PLEKHA6: variants seen among roughly 807,000 people sequenced by gnomAD.
PLEKHA6 encodes pleckstrin homology domain-containing family A member 6.
A neutral mutation model predicts 116.7 loss-of-function variants in PLEKHA6; 60 were observed. That is an observed-to-expected ratio of 0.51 (90% CI 0.42 to 0.64). The LOEUF (loss-of-function observed/expected upper bound fraction) is 0.64, where lower values mean the gene tolerates loss of function less well. Ranked by LOEUF, PLEKHA6 falls within the 30% of genes least tolerant of loss-of-function variation. The pLI is 0.00. For missense variants in PLEKHA6, 1,338 were observed against 1,422.7 expected (o/e 0.94, Z 0.96); for synonymous variants, 489 against 556.1 (o/e 0.88, Z 1.70).
intron 9 of PLEKHA6, among the ~76,000 whole-genome samples, chr1:204,253,975 C>T (rs752735571): frequency 5.9e-5 from 9 of 152,210 alleles, no homozygotes; most frequent in South Asian, 4.1e-4. Flanking sequence ...GGCAAAAGCC[C>T]GCAGGAAGGG....
At chr1:204,366,277 C>G (rs975439643) in intron 3 of PLEKHA6, among the ~76,000 whole-genome samples, 3 of 151,866 alleles carry the variant, frequency 2.0e-5, no homozygotes, top group African/African-American at 7.3e-5. Flanking sequence ...TGGGTCCAAA[C>G]AGGAAAAATT....
intron 1 of PLEKHA6, among the ~76,000 whole-genome samples, chr1:204,286,226 C>A (rs1349990345): frequency 3.3e-5 from 5 of 152,280 alleles, no homozygotes; most frequent in Middle Eastern, 3.4e-3. Flanking sequence ...GGAAGAGGTG[C>A]TCCTAGGCCT....
chr1:204,343,809 C>T (rs1672932198), intron 1 of PLEKHA6, among the ~76,000 whole-genome samples: 1 of 152,200 alleles, frequency 6.6e-6, no homozygotes, highest in Non-Finnish European at 1.5e-5. Context: ...GGGAGAAAAG[C>T]TGACCAAGTG....
chr1:204,236,798 G>A (rs904734396), intron 17 of PLEKHA6, among the ~76,000 whole-genome samples: 9 of 152,068 alleles, frequency 5.9e-5, no homozygotes, highest in Non-Finnish European at 1.2e-4. Context: ...CAAGTCAAAT[G>A]GGCAAAAGAC....
At chr1:204,267,732 C>T (rs867808749) in intron 4 of PLEKHA6, among the ~76,000 whole-genome samples, 185 bp from the exon 5 acceptor site, 19 of 152,254 alleles carry the variant, frequency 1.2e-4, no homozygotes, top group South Asian at 6.2e-4. Flanking sequence ...TAGATTGTTG[C>T]CTGTGACCTT....
chr1:204,248,262 A>G (rs927350936), intron 12 of PLEKHA6, among the ~76,000 whole-genome samples: 3 of 150,552 alleles, frequency 2.0e-5, no homozygotes, highest in Admixed American at 6.6e-5. Context: ...GGGTTCAAGC[A>G]ATTCTCCTGC....
At chr1:204,327,827 T>A (rs1424466177) in intron 1 of PLEKHA6, among the ~76,000 whole-genome samples, 2 of 152,170 alleles carry the variant, frequency 1.3e-5, no homozygotes, top group African/African-American at 4.8e-5. Flanking sequence ...TCTCACTTGC[T>A]CCCATTCCTA....
At chr1:204,313,549 AC>A (rs1283791255) in intron 1 of PLEKHA6, 1 of 983,952 alleles carries the variant, frequency 1.0e-6, no homozygotes, top group Non-Finnish European at 1.2e-6. Context: ...AAAGAAGCTG[AC>A]CTTGAGGCTA....
chr1:204,362,148 A>ATGTGG (rs369286099), upstream of PLEKHA6, among the ~76,000 whole-genome samples: 1 of 152,206 alleles, frequency 6.6e-6, no homozygotes, highest in Non-Finnish European at 1.5e-5. Flanking sequence ...GGCGGAAGAG[A>ATGTGG]TGTGGTAGCA....
intron 1 of PLEKHA6, among the ~76,000 whole-genome samples, chr1:204,372,884 C>T (rs2103417821): frequency 6.7e-6 from 1 of 149,576 alleles, no homozygotes; most frequent in African/African-American, 2.5e-5. Flanking sequence ...GTCATGCAAT[C>T]ATACAATCAT....
intron 5 of PLEKHA6, among the ~76,000 whole-genome samples, chr1:204,266,446 T>C (rs1666831355): frequency 1.3e-5 from 2 of 152,164 alleles, no homozygotes; most frequent in African/African-American, 2.4e-5. Context: ...CCAATTTTCC[T>C]CCAGTTTCAT....
chr1:204,280,671 A>G (rs773291898), intron 1 of PLEKHA6, among the ~76,000 whole-genome samples: 3 of 152,148 alleles, frequency 2.0e-5, no homozygotes, highest in Non-Finnish European at 4.4e-5. Context: ...CCAAGCCGAG[A>G]CTGTCCATGC....
At chr1:204,285,163 T>C (rs1463351682) in intron 1 of PLEKHA6, among the ~76,000 whole-genome samples, 1 of 152,244 alleles carries the variant, frequency 6.6e-6, no homozygotes. Flanking sequence ...AACATTCTAT[T>C]GGACAGCACT....
intron 1 of PLEKHA6, among the ~76,000 whole-genome samples, chr1:204,316,500 G>A (rs1671865668): frequency 6.6e-6 from 1 of 152,190 alleles, no homozygotes; most frequent in South Asian, 2.1e-4. Flanking sequence ...ATATGTGGGG[G>A]TAGGGTTCAC....
intron 1 of PLEKHA6, among the ~76,000 whole-genome samples, chr1:204,284,738 G>T (rs1013734327): frequency 6.6e-6 from 1 of 152,084 alleles, no homozygotes; most frequent in African/African-American, 2.4e-5. Context: ...TTGTCCTTAA[G>T]GAAAAGGGTA....
intron 1 of PLEKHA6, among the ~76,000 whole-genome samples, chr1:204,358,874 C>G (rs932481791): frequency 3.3e-5 from 5 of 151,772 alleles, no homozygotes; most frequent in African/African-American, 1.2e-4. Flanking sequence ...TTCCCAGGAG[C>G]CTCTTCTCCC....
intron 17 of PLEKHA6, among the ~76,000 whole-genome samples, chr1:204,234,812 T>G (rs1661709804): frequency 6.6e-6 from 1 of 151,738 alleles, no homozygotes; most frequent in Non-Finnish European, 1.5e-5. Context: ...CTTTCTCCTG[T>G]GCTGGATGCT....
intron 1 of PLEKHA6, among the ~76,000 whole-genome samples, chr1:204,281,388 G>A (rs1668588579): frequency 6.6e-6 from 1 of 152,096 alleles, no homozygotes; most frequent in Non-Finnish European, 1.5e-5. Context: ...AGCCGGGCCT[G>A]GTGGCGGGCA....
chr1:204,224,252 T>C (rs1260166183), intron 21 of PLEKHA6, among the ~76,000 whole-genome samples: 1 of 152,056 alleles, frequency 6.6e-6, no homozygotes, highest in Non-Finnish European at 1.5e-5. Context: ...TTTACTCTAT[T>C]ATCATTATTA....
Sources: allele counts gnomAD v4.1 joint callset (sites outside exome capture counted in the v4.1 genomes callset), GRCh38; gene constraint gnomAD v4.1.1; transcripts MANE v1.5; gene names NCBI Gene and HGNC (gene_info 2026-07-23, HGNC 2026-07-21).